DCDC1: variants seen among roughly 807,000 people sequenced by gnomAD.
DCDC1 encodes doublecortin domain-containing protein 1.
A neutral mutation model predicts 178.3 loss-of-function variants in DCDC1; 200 were observed. That is an observed-to-expected ratio of 1.12 (90% CI 1.00 to 1.26). The LOEUF is 1.26. DCDC1 is among the 50% of genes most tolerant of loss of function. The pLI, the probability that DCDC1 is intolerant of heterozygous loss-of-function variation, is 0.00. For missense variants in DCDC1, 1,983 were observed against 1,749.2 expected, an observed-to-expected ratio of 1.13 and a Z score of -2.38; for synonymous variants, 690 against 604.8, an observed-to-expected ratio of 1.14 and a Z score of -2.07.
chr11:31,088,826 G>C (rs987279929), intron 17 of DCDC1, among the ~76,000 whole-genome samples: 2 of 151,998 alleles, frequency 1.3e-5, no homozygotes, highest in Non-Finnish European at 2.9e-5. Context: ...GCCTCCCAAG[G>C]AGCTGGAACT....
Position 31,022,047 on chromosome 11 carries a change from A to G in DCDC1, c.2591+42422T>C, listed in dbSNP as rs290084. ...TCCCTTGCTAATGAGTTTTCTCCAC[A>G]TGGAGTCCCCTTGCTTTACCAACCC... On this transcript the variant is annotated intron_variant, in intron 20 of 38. Coordinates refer to ENST00000684477, the MANE Select transcript of DCDC1 (RefSeq NM_001387274.1). Among the ~76,000 whole-genome samples the G allele has an allele frequency of 6.1e-3, 922 of 152,208 alleles. 3 individuals are homozygous for G. Among genetic ancestry groups the G allele is most frequent in the African/African-American group, 0.021 (875 of 41,530 alleles).
At chr11:30,989,147 AAG>A (rs1361880647) in intron 20 of DCDC1, among the ~76,000 whole-genome samples, 7 of 152,190 alleles carry the variant, frequency 4.6e-5, no homozygotes, top group African/African-American at 1.7e-4. Context: ...GGGGCAGTAA[AAG>A]AGATTGAAAA....
intron 21 of DCDC1, 53 bp from the exon 22 acceptor site, chr11:30,932,005 T>C (rs1946960094): frequency 6.8e-7 from 1 of 1,477,204 alleles, no homozygotes; most frequent in South Asian, 1.4e-5. Context: ...AAGGGTCATG[T>C]CTAGATTTTT....
intron 9 of DCDC1, among the ~76,000 whole-genome samples, chr11:31,154,789 G>A (rs903024609): frequency 5.3e-5 from 8 of 152,150 alleles, no homozygotes; most frequent in Admixed American, 5.2e-4. Flanking sequence ...GGTTAGAAAA[G>A]GCTGTAAAAG....
rs188347069 is a variant in DCDC1 at position 31,131,519 on chromosome 11, C to A, written c.1315-3880G>T. 1.3e-4 allele frequency among the ~76,000 whole-genome samples: 20 copies of A among 152,260 alleles called. No homozygotes were observed. In the East Asian group the frequency reaches 3.7e-3, roughly 28 times the overall value. On this transcript the variant is annotated intron_variant, in intron 10 of 38. Coordinates refer to ENST00000684477, the MANE Select transcript of DCDC1 (RefSeq NM_001387274.1). ...TCATTTTCACCACCAGATCATACTA[C>A]CCTCCAGCAGTATTATCCTTAAAAA...
intron 15 of DCDC1, among the ~76,000 whole-genome samples, chr11:31,099,070 G>A (rs1958334283): frequency 6.6e-6 from 1 of 152,066 alleles, no homozygotes; most frequent in African/African-American, 2.4e-5. Flanking sequence ...GATTTATCTT[G>A]TTATAGTTAA....
chr11:31,034,967 T>C (rs1953928704), intron 20 of DCDC1, among the ~76,000 whole-genome samples: 1 of 152,216 alleles, frequency 6.6e-6, no homozygotes, highest in Non-Finnish European at 1.5e-5. Context: ...AATACATTTA[T>C]GGAGGATGTT....
rs780472612 is a variant in DCDC1 at position 31,290,691 on chromosome 11, G to T, written c.916C>A (p.Gln306Lys). The change falls in exon 7 of 39, where the codon CAG becomes AAG. Residue 306 changes from glutamine to lysine, a missense_variant. Coordinates refer to ENST00000684477, the MANE Select transcript of DCDC1 (RefSeq NM_001387274.1). ...CCCACTGTAATCTCATGCCCATCCT[G>T]CCCCATGCCATTCTTAAAGAACAGA... ...RILFFKNGMG[Q>K]DGHEITVGKE... 1.2e-6 allele frequency: 2 copies of T among 1,613,148 alleles called. No individual in the cohort carries two copies. The highest frequency in any genetic ancestry group is 2.2e-5 in the South Asian group (2 of 91,008).
chr11:31,366,588 A>C lies in DCDC1; in HGVS notation c.-125+3109T>G, dbSNP rs890899205. 2.6e-5 allele frequency among the ~76,000 whole-genome samples: 4 copies of C among 152,220 alleles called. No homozygotes were observed. The East Asian group carries it at 7.7e-4, about 29-fold the overall frequency. ...TTACTCTGATAGGAGGAAGAAAAGA[A>C]TTAGGGTGTTATAAGTAAGGAGAAG... On this transcript the variant is annotated intron_variant, in intron 1 of 38. Coordinates refer to ENST00000684477, the MANE Select transcript of DCDC1 (RefSeq NM_001387274.1).
intron 6 of DCDC1, among the ~76,000 whole-genome samples, chr11:31,293,668 G>A (rs778814743): frequency 6.6e-6 from 1 of 152,282 alleles, no homozygotes; most frequent in East Asian, 1.9e-4. Context: ...CTCCATTTAT[G>A]TGATTTATAG....
chr11:31,361,299 G>A (rs966681279), intron 1 of DCDC1, among the ~76,000 whole-genome samples: 2 of 152,020 alleles, frequency 1.3e-5, no homozygotes, highest in East Asian at 1.9e-4. Flanking sequence ...CATCTGCAAG[G>A]GATGGAATTC....
intron 1 of DCDC1, among the ~76,000 whole-genome samples, chr11:31,366,170 G>C (rs1951947558): frequency 6.6e-6 from 1 of 152,050 alleles, no homozygotes; most frequent in African/African-American, 2.4e-5. Context: ...AGCCGTAAGA[G>C]GAAAAGCCTG....
intron 15 of DCDC1, 95 bp from the exon 16 acceptor site, chr11:31,094,279 T>C (rs1352292735): frequency 2.2e-5 from 15 of 677,774 alleles, no homozygotes; most frequent in African/African-American, 5.3e-5. Flanking sequence ...TAGAACATTA[T>C]TTATTCTGAT....
chr11:31,097,494 A>G (rs966706172), intron 15 of DCDC1, among the ~76,000 whole-genome samples: 1 of 152,242 alleles, frequency 6.6e-6, no homozygotes, highest in African/African-American at 2.4e-5. Flanking sequence ...ATTAAAGAAA[A>G]TGTTATACAA....
chr11:31,323,299 C>T (rs902197491), intron 3 of DCDC1, among the ~76,000 whole-genome samples: 1 of 152,190 alleles, frequency 6.6e-6, no homozygotes, highest in East Asian at 1.9e-4. Context: ...AATTCAACAG[C>T]AGGATAATGA....
At chr11:31,287,744 T>C (rs1315870255) in intron 7 of DCDC1, among the ~76,000 whole-genome samples, 4 of 151,840 alleles carry the variant, frequency 2.6e-5, no homozygotes, top group African/African-American at 7.3e-5. Flanking sequence ...CACTGAAATA[T>C]GCACACAGCA....
chr11:31,014,398 A>G (rs1444597385), intron 20 of DCDC1, among the ~76,000 whole-genome samples: 1 of 152,066 alleles, frequency 6.6e-6, no homozygotes, highest in Non-Finnish European at 1.5e-5. Context: ...AGTCACATGA[A>G]TAAACTTGGA....
At chr11:31,335,823 A>G (rs148460129) in intron 1 of DCDC1, among the ~76,000 whole-genome samples, 18 of 152,308 alleles carry the variant, frequency 1.2e-4, no homozygotes, top group African/African-American at 4.3e-4. Context: ...TAAAATAGCT[A>G]CAAAATCTCA....
At chr11:31,128,668 CT>C (rs1961991706) in intron 10 of DCDC1, among the ~76,000 whole-genome samples, 1 of 152,108 alleles carries the variant, frequency 6.6e-6, no homozygotes, top group Non-Finnish European at 1.5e-5. Flanking sequence ...GGATTCATCA[CT>C]TACTGACTGG....
Sources: gnomAD v4.1 joint callset for allele counts (sites outside exome capture counted in the v4.1 genomes callset) on GRCh38, gnomAD v4.1.1 for gene constraint, MANE v1.5 for transcripts, NCBI Gene and HGNC (gene_info 2026-07-23, HGNC 2026-07-21) for gene names.